Variants in FADS2 observed in about 807,000 individuals in gnomAD.
FADS2 encodes acyl-CoA 6-desaturase.
FADS2 carries 18 observed loss-of-function variants against 61.2 expected under a neutral mutation model. The ratio of observed to expected loss-of-function variants is 0.29; its 90% CI spans 0.20 to 0.44. The LOEUF (loss-of-function observed/expected upper bound fraction) is 0.44. Ranked by LOEUF, FADS2 falls within the 20% of genes least tolerant of loss-of-function variation. The pLI is 1.00. For missense variants in FADS2, 322 were observed against 572.7 expected (o/e 0.56, Z 4.47); for synonymous variants, 203 against 223.9 (o/e 0.91, Z 0.83).
intron 1 of FADS2, among the ~76,000 whole-genome samples, chr11:61,834,078 C>G (rs754614810): frequency 6.6e-6 from 1 of 152,182 alleles, no homozygotes; most frequent in Non-Finnish European, 1.5e-5. Flanking sequence ...CCAGGGAAGG[C>G]CCAGGGCTGG....
chr11:61,831,312 C>T (rs1225947060), intron 1 of FADS2, among the ~76,000 whole-genome samples: 1 of 152,148 alleles, frequency 6.6e-6, no homozygotes, highest in Non-Finnish European at 1.5e-5. Flanking sequence ...GGACCAGGCA[C>T]AGTCTGGGGA....
At position 61,865,009 on chromosome 11, in the gene FADS2, G is replaced by A. The variant is rs2067454579; in HGVS notation, c.1158-143G>A. ...ACGTGGCACCCCACTGGGCACACAC[G>A]AGGAGCCACACTTTGAGACTGGTCC... is the stretch of plus-strand genomic sequence containing the variant. On this transcript the variant is annotated intron_variant, in intron 10 of 11. Coordinates refer to ENST00000278840, the MANE Select transcript of FADS2 (RefSeq NM_004265.4). The surrounding 1 kb of genome is among the most constrained non-coding windows in gnomAD (Gnocchi z 4.1). The A allele has an allele frequency of 8.2e-6, 8 of 980,682 alleles. No homozygotes were observed. Among genetic ancestry groups the A allele is most frequent in the South Asian group, 3.1e-5 (2 of 64,024 alleles). 60.7% of individuals were successfully genotyped at this position (980,682 alleles called of 1,614,324 possible).
At chr11:61,830,649 T>C (rs2067121168) in intron 1 of FADS2, among the ~76,000 whole-genome samples, 2 of 152,250 alleles carry the variant, frequency 1.3e-5, no homozygotes, top group Non-Finnish European at 2.9e-5. Context: ...TTTCATAAGC[T>C]AGGGTGGGAG....
At chr11:61,857,598 C>T (rs2067373205) in intron 7 of FADS2, 68 bp downstream of exon 7, 6 of 1,367,484 alleles carry the variant, frequency 4.4e-6, no homozygotes, top group African/African-American at 4.3e-5. Flanking sequence ...CCCGGGGGTC[C>T]TACGCTGCCT....
rs937052485 is a variant in FADS2, at chr11:61,842,338, T to A, written c.618+1613T>A. Among the ~76,000 whole-genome samples, 3 of 152,234 alleles carry A rather than the reference T, an allele frequency of 2.0e-5. No individual in the cohort carries two copies. In the South Asian group the frequency reaches 6.2e-4, roughly 31 times the overall value. ...GGGCAAAGGGAGAGGGTGCACATAG[T>A]GGAGTGCTTTGTTTCATTTTATACT... On this transcript the variant is annotated intron_variant, in intron 4 of 11. Transcript: ENST00000278840.
intron 4 of FADS2, among the ~76,000 whole-genome samples, chr11:61,845,085 A>C (rs1591172498): frequency 9.7e-6 from 1 of 102,574 alleles, no homozygotes; most frequent in South Asian, 3.6e-4. Flanking sequence ...ATATGGCGCC[A>C]CCCAGCACTG....
intron 5 of FADS2, 163 bp from the exon 6 acceptor site, chr11:61,856,848 G>C (rs2067363377): frequency 1.5e-6 from 1 of 664,188 alleles, no homozygotes; most frequent in Non-Finnish European, 2.7e-6. Context: ...CAGAGGGCTG[G>C]AGGGGCCCCA....
intron 1 of FADS2, among the ~76,000 whole-genome samples, chr11:61,835,898 A>G (rs1336476424): frequency 6.6e-6 from 1 of 152,188 alleles, no homozygotes; most frequent in Non-Finnish European, 1.5e-5. Context: ...ATTTCCGGAG[A>G]AAAAAGGAAG....
Position 61,846,131 on chromosome 11 carries a change from CTTTTTTT to C in FADS2, c.619-2016_619-2010del, listed in dbSNP as rs550169322. Among the ~76,000 whole-genome samples, 4 of 130,482 alleles carry C rather than the reference CTTTTTTT, an allele frequency of 3.1e-5. No individual in the cohort carries two copies. The South Asian group carries it at 7.2e-4, about 23-fold the overall frequency. 85.6% of individuals were successfully genotyped at this position (130,482 alleles called of 152,430 possible). On this transcript the variant is annotated intron_variant, in intron 4 of 11. Transcript: ENST00000278840. ...CCTCTAAGCTTTCTTTCTTTCTTTT[CTTTTTTT>C]TTTTTTTTTTTGAGACAGACTCTTG...
chr11:61,822,433 C>T (rs1341785723), intron 1 of FADS2, among the ~76,000 whole-genome samples: 1 of 152,168 alleles, frequency 6.6e-6, no homozygotes, highest in Admixed American at 6.6e-5. Context: ...CTTTTAGTTC[C>T]TCTCTACATG....
intron 1 of FADS2, among the ~76,000 whole-genome samples, chr11:61,819,053 T>A (rs1336510842): frequency 6.6e-6 from 1 of 151,952 alleles, no homozygotes; most frequent in Admixed American, 6.6e-5. Context: ...TTTTTGTATT[T>A]TTAGTAGAGT....
chr11:61,863,814 G>T, intron 10 of FADS2, 28 bp downstream of exon 10: 1 of 1,583,478 alleles, frequency 6.3e-7, no homozygotes, highest in Non-Finnish European at 8.7e-7. Context: ...GGGAGGCGGG[G>T]AGACCCACAG....
At chr11:61,832,603 C>G (rs748125099) in intron 1 of FADS2, among the ~76,000 whole-genome samples, 1 of 152,220 alleles carries the variant, frequency 6.6e-6, no homozygotes, top group East Asian at 1.9e-4. Flanking sequence ...CTGCGGGGCT[C>G]TTTGGCCACA....
At chr11:61,832,059 G>A (rs573305644) in intron 1 of FADS2, among the ~76,000 whole-genome samples, 3 of 152,302 alleles carry the variant, frequency 2.0e-5, no homozygotes, top group Admixed American at 6.5e-5. Flanking sequence ...GCTGTGGGAT[G>A]TGCTCCCCCT....
chr11:61,861,739 G>C (rs961012607), intron 7 of FADS2, among the ~76,000 whole-genome samples: 10 of 152,112 alleles, frequency 6.6e-5, no homozygotes, highest in Non-Finnish European at 1.2e-4. Context: ...TCAGCTGCTG[G>C]CACCCGACCC....
intron 1 of FADS2, among the ~76,000 whole-genome samples, chr11:61,832,022 T>G (rs1016231634): frequency 1.3e-5 from 2 of 152,132 alleles, no homozygotes; most frequent in Admixed American, 6.5e-5. Context: ...GACACAGAGA[T>G]GAATTATTCA....
chr11:61,841,561 A>G (rs1381533985), intron 4 of FADS2, among the ~76,000 whole-genome samples: 1 of 151,636 alleles, frequency 6.6e-6, no homozygotes, highest in Non-Finnish European at 1.5e-5. Context: ...AGAAAAAGAA[A>G]CACATTGTGC....
Position 61,865,357 on chromosome 11 carries a change from C to A in FADS2, c.1283+80C>A. The A allele has an allele frequency of 6.5e-7, 1 of 1,529,998 alleles. No homozygotes were observed. The allele number at this position is 1,529,998 out of a possible 1,614,324, so 94.8% of individuals were successfully genotyped here. ...AGTGGGATCACAAGAGGGGCTGGGC[C>A]CTCCTGGCACAGTCACCCACCAGGG... On this transcript the variant is annotated intron_variant, in intron 11 of 11. Coordinates refer to ENST00000278840, the MANE Select transcript of FADS2 (RefSeq NM_004265.4). The surrounding 1 kb of genome is among the most constrained non-coding windows in gnomAD (Gnocchi z 4.1).
At position 61,857,616 on chromosome 11, in the gene FADS2, T is replaced by C. The variant is rs573422877; in HGVS notation, c.882+86T>C. 409 of 1,210,856 alleles carry C rather than the reference T, an allele frequency of 3.4e-4. 4 individuals carry two copies. In the African/African-American group the frequency reaches 5.3e-3, roughly 16 times the overall value. The allele number at this position is 1,210,856 out of a possible 1,614,324, so 75.0% of individuals were successfully genotyped here. ...GGGGGTCCTACGCTGCCTCCTCGTGTGCCCCAGTGGAGCCTGTGGGGCCCC... is the reference window on the plus strand; with the variant it reads ...GGGGGTCCTACGCTGCCTCCTCGTGCGCCCCAGTGGAGCCTGTGGGGCCCC... On this transcript the variant is annotated intron_variant, in intron 7 of 11. Transcript: ENST00000278840.
Sources: allele counts gnomAD v4.1 joint callset (sites outside exome capture counted in the v4.1 genomes callset), GRCh38; gene constraint gnomAD v4.1.1; non-coding constraint Gnocchi (gnomAD v3.1); transcripts MANE v1.5; gene names NCBI Gene and HGNC (gene_info 2026-07-23, HGNC 2026-07-21).